JPH1: variants seen among roughly 807,000 people sequenced by gnomAD.
JPH1 encodes junctophilin-1.
In JPH1, 12 loss-of-function variants were observed where a neutral mutation model predicts 53.6. The observed-to-expected ratio is 0.22, with a 90% CI of 0.14 to 0.36. The LOEUF is 0.36. Ranked by LOEUF, JPH1 falls within the 10% of genes least tolerant of loss-of-function variation. The probability of loss-of-function intolerance (pLI) is 1.00; values close to 1 mark genes in which losing one functional copy is unlikely to be tolerated. For synonymous variants in JPH1, 375 were observed against 363.8 expected, an observed-to-expected ratio of 1.03 and a Z score of -0.35; for missense variants, 808 against 905.5, an observed-to-expected ratio of 0.89 and a Z score of 1.38.
chr8:74,252,968 C>T (rs984945457), intron 3 of JPH1, among the ~76,000 whole-genome samples: 2 of 152,030 alleles, frequency 1.3e-5, no homozygotes, highest in African/African-American at 2.4e-5. Context: ...CCACTGTCAA[C>T]ATTAGACAGA....
chr8:74,313,262 A>G (rs1206576657), intron 2 of JPH1, among the ~76,000 whole-genome samples: 2 of 152,246 alleles, frequency 1.3e-5, no homozygotes, highest in African/African-American at 2.4e-5. Flanking sequence ...AAAGTAAGCC[A>G]GCAAGATTAG....
chr8:74,243,719 T>A (rs147490936), intron 4 of JPH1, among the ~76,000 whole-genome samples: 13 of 152,340 alleles, frequency 8.5e-5, no homozygotes, highest in African/African-American at 3.1e-4. Flanking sequence ...AGCTTCAGAT[T>A]TTATAAATAC....
intron 4 of JPH1, among the ~76,000 whole-genome samples, chr8:74,242,616 TC>T (rs1451670045): frequency 1.3e-5 from 2 of 152,236 alleles, no homozygotes; most frequent in Non-Finnish European, 2.9e-5. Context: ...CTGTGCCACT[TC>T]CTAACTCTGA....
At chr8:74,243,964 A>T (rs1320399716) in intron 4 of JPH1, among the ~76,000 whole-genome samples, 1 of 152,198 alleles carries the variant, frequency 6.6e-6, no homozygotes, top group Non-Finnish European at 1.5e-5. Flanking sequence ...ACTGTTGGAA[A>T]TTTTCAGTTC....
chr8:74,303,526 C>T (rs1222888791), intron 2 of JPH1, among the ~76,000 whole-genome samples: 1 of 152,170 alleles, frequency 6.6e-6, no homozygotes, highest in Non-Finnish European at 1.5e-5. Flanking sequence ...CTTTCCATCC[C>T]ACTGCCACAG....
At chr8:74,307,338 C>T (rs2131454973) in intron 2 of JPH1, among the ~76,000 whole-genome samples, 1 of 152,312 alleles carries the variant, frequency 6.6e-6, no homozygotes, top group African/African-American at 2.4e-5. Flanking sequence ...ATTCAATTCT[C>T]AAAACAACCC....
At position 74,237,253 on chromosome 8, in the gene JPH1, C is replaced by T. The variant is rs1438501530; in HGVS notation, c.1956G>A (p.Leu652=). 2 of 1,613,054 alleles carry T rather than the reference C, an allele frequency of 1.2e-6. No individual in the cohort carries two copies. The highest frequency in any genetic ancestry group is 1.7e-5 in the Admixed American group (1 of 59,920). ...IVLVMLLNIG[L]AILFVHFLT Reference sequence around the variant, plus strand: ...TTAGAAAGTGAACAAAAAGAATGGCCAACCCGATATTCAACAGCATGACAA... The same window carrying T: ...TTAGAAAGTGAACAAAAAGAATGGCTAACCCGATATTCAACAGCATGACAA... The change falls in exon 5 of 6, where the codon TTG becomes TTA. Residue 652 remains leucine (L), a synonymous_variant. Transcript: ENST00000342232.
chr8:74,282,575 C>T (rs1807043763), intron 2 of JPH1, among the ~76,000 whole-genome samples: 1 of 152,218 alleles, frequency 6.6e-6, no homozygotes, highest in South Asian at 2.1e-4. Flanking sequence ...GTAAATACCA[C>T]ATGGTTTCAT....
At chr8:74,318,673 A>T (rs1248063585) in intron 1 of JPH1, among the ~76,000 whole-genome samples, 4 of 152,172 alleles carry the variant, frequency 2.6e-5, no homozygotes, top group Non-Finnish European at 5.9e-5. Context: ...CCACAAAAAA[A>T]CTCGGAATCA....
At chr8:74,240,684 A>G (rs1346225367) in intron 4 of JPH1, among the ~76,000 whole-genome samples, 1 of 152,200 alleles carries the variant, frequency 6.6e-6, no homozygotes, top group Non-Finnish European at 1.5e-5. Flanking sequence ...TATAATTTTC[A>G]AAGGTAATTT....
chr8:74,291,001 C>A (rs556587941), intron 2 of JPH1, among the ~76,000 whole-genome samples: 12 of 152,196 alleles, frequency 7.9e-5, no homozygotes, highest in East Asian at 7.7e-4. Flanking sequence ...TAAAGACTTA[C>A]ATGTTAGACC....
intron 2 of JPH1, among the ~76,000 whole-genome samples, chr8:74,312,850 G>A (rs2131462503): frequency 6.6e-6 from 1 of 152,022 alleles, no homozygotes; most frequent in African/African-American, 2.4e-5. Flanking sequence ...TTTAAACATA[G>A]CTAAGTAACT....
chr8:74,316,510 G>C (rs1016327388), intron 1 of JPH1, among the ~76,000 whole-genome samples: 1 of 152,166 alleles, frequency 6.6e-6, no homozygotes, highest in Non-Finnish European at 1.5e-5. Context: ...TGGATGGAGG[G>C]TGTTTGATGA....
At chr8:74,298,496 T>C (rs1436601923) in intron 2 of JPH1, among the ~76,000 whole-genome samples, 3 of 152,222 alleles carry the variant, frequency 2.0e-5, no homozygotes, top group Admixed American at 1.3e-4. Flanking sequence ...CTCCTGTTAA[T>C]AACTTCCTCG....
chr8:74,257,484 T>C (rs1180488694), intron 3 of JPH1, among the ~76,000 whole-genome samples: 1 of 152,160 alleles, frequency 6.6e-6, no homozygotes, highest in Non-Finnish European at 1.5e-5. Context: ...AACAGTAAGT[T>C]TGTTTGCTTT....
chr8:74,266,002 G>T (rs1419695368), intron 2 of JPH1, among the ~76,000 whole-genome samples: 1 of 151,458 alleles, frequency 6.6e-6, no homozygotes, highest in Non-Finnish European at 1.5e-5. Flanking sequence ...GAAACCGAAG[G>T]CCCTGTCCAC....
intron 2 of JPH1, among the ~76,000 whole-genome samples, chr8:74,266,137 C>A (rs541390637): frequency 6.6e-6 from 1 of 150,952 alleles, no homozygotes; most frequent in South Asian, 2.1e-4. Flanking sequence ...AAAAAAAAAA[C>A]TGAAAGCAGG....
intron 2 of JPH1, among the ~76,000 whole-genome samples, chr8:74,294,888 G>T (rs1293610064): frequency 1.3e-5 from 2 of 152,118 alleles, no homozygotes; most frequent in Admixed American, 6.5e-5. Flanking sequence ...TTCCCATTTT[G>T]CTGATGAGGG....
chr8:74,239,045 G>A (rs1222148825), intron 4 of JPH1, among the ~76,000 whole-genome samples: 2 of 152,130 alleles, frequency 1.3e-5, no homozygotes, highest in Non-Finnish European at 2.9e-5. Flanking sequence ...GGAGGGAGAG[G>A]AAGTAAACAT....
Sources: gnomAD v4.1 joint callset for allele counts (sites outside exome capture counted in the v4.1 genomes callset) on GRCh38, gnomAD v4.1.1 for gene constraint, MANE v1.5 for transcripts, NCBI Gene and HGNC (gene_info 2026-07-23, HGNC 2026-07-21) for gene names.